Variants in ANKUB1 observed in about 807,000 individuals in gnomAD.
ANKUB1 encodes ankyrin repeat and ubiquitin domain containing 1.
ANKUB1 carries 42 observed loss-of-function variants against 49.3 expected under a neutral mutation model. That is an observed-to-expected ratio of 0.85 (90% CI 0.67 to 1.10). The LOEUF is 1.10. Among genes scored for constraint, ANKUB1 ranks in the 50% least tolerant of loss-of-function variants. ANKUB1 has a pLI of 0.00. For missense variants in ANKUB1, 613 were observed against 642.0 expected, an observed-to-expected ratio of 0.95 and a Z score of 0.49; for synonymous variants, 222 against 231.0, an observed-to-expected ratio of 0.96 and a Z score of 0.35.
intron 3 of ANKUB1, among the ~76,000 whole-genome samples, chr3:149,773,585 G>T (rs981506607): frequency 1.3e-5 from 2 of 152,202 alleles, no homozygotes; most frequent in Non-Finnish European, 2.9e-5. Context: ...TTTCTCTAAA[G>T]CTTCATGCTG....
At chr3:149,776,636 G>A (rs922932120) in intron 3 of ANKUB1, among the ~76,000 whole-genome samples, 1 of 152,266 alleles carries the variant, frequency 6.6e-6, no homozygotes, top group South Asian at 2.1e-4. Flanking sequence ...CACTGTCCTA[G>A]TGTGAGAGCT....
intron 2 of ANKUB1, 79 bp from the exon 3 acceptor site, chr3:149,780,534 C>A: frequency 1.9e-6 from 2 of 1,052,472 alleles, no homozygotes; most frequent in Non-Finnish European, 2.9e-6. Flanking sequence ...TAGCTTTGAG[C>A]ACCTCTAGCT....
At position 149,770,661 on chromosome 3, in the gene ANKUB1, G is replaced by A. The variant is rs1345626715; in HGVS notation, c.465C>T (p.Arg155=). The change falls in exon 4 of 6, where the codon CGC becomes CGT. Residue 155 remains arginine (R), a synonymous_variant. Coordinates refer to ENST00000446160, the MANE Select transcript of ANKUB1 (RefSeq NM_001144960.3). ...CCTTCCATCCATCCCAGACATCCAA[G>A]CGAAGTGTTGTGCCTGTGGATCAAG... The part of the protein sequence containing the change: ...DYQTDIGTTL[R]LDVWDGWKEF... 6.5e-7 allele frequency: 1 copy of A among 1,547,392 alleles called. No individual in the cohort carries two copies. The highest frequency in any genetic ancestry group is 8.7e-7 in the Non-Finnish European group (1 of 1,144,656).
chr3:149,789,636 T>TTG (rs1553744470), intron 2 of ANKUB1, among the ~76,000 whole-genome samples: 2 of 151,208 alleles, frequency 1.3e-5, no homozygotes, highest in African/African-American at 4.9e-5. Context: ...TATTCTTTTT[T>TTG]TTTTTTTTTC....
At chr3:149,778,612 C>T (rs1388880146) in intron 3 of ANKUB1, 1 of 152,084 alleles carries the variant, frequency 6.6e-6, no homozygotes, top group East Asian at 1.9e-4. Flanking sequence ...TGTGAGCCCC[C>T]ATCATGTTCT....
intron 2 of ANKUB1, among the ~76,000 whole-genome samples, chr3:149,787,676 T>C (rs2108281325): frequency 6.6e-6 from 1 of 152,342 alleles, no homozygotes; most frequent in Non-Finnish European, 1.5e-5. Context: ...TTCCATTTCT[T>C]TTCCAAATGT....
intron 4 of ANKUB1, 58 bp from the exon 5 acceptor site, chr3:149,768,153 G>A (rs1717151348): frequency 2.7e-6 from 3 of 1,118,254 alleles, no homozygotes; most frequent in Admixed American, 3.4e-5. Context: ...ACAGACAAAT[G>A]TAGTTACACT....
At chr3:149,784,336 C>T (rs546922178) in intron 2 of ANKUB1, among the ~76,000 whole-genome samples, 2 of 152,158 alleles carry the variant, frequency 1.3e-5, no homozygotes, top group African/African-American at 2.4e-5. Flanking sequence ...ATAGTTGCCC[C>T]CTTTGCAGTA....
intron 4 of ANKUB1, 22 bp from the exon 5 acceptor site, chr3:149,768,117 G>A (rs1306213747): frequency 2.2e-6 from 3 of 1,333,474 alleles, no homozygotes; most frequent in African/African-American, 2.9e-5. Flanking sequence ...AAACAAGTGG[G>A]GAGGGGGTGT....
At chr3:149,772,527 T>C (rs1717412363) in intron 3 of ANKUB1, among the ~76,000 whole-genome samples, 2 of 152,240 alleles carry the variant, frequency 1.3e-5, no homozygotes. Context: ...CAATGTTGTC[T>C]TCTTTTCTGA....
chr3:149,772,279 C>T (rs1717401045), intron 3 of ANKUB1, among the ~76,000 whole-genome samples: 1 of 152,170 alleles, frequency 6.6e-6, no homozygotes, highest in African/African-American at 2.4e-5. Flanking sequence ...CCTTGGCCTC[C>T]CACAGTGCTG....
In ANKUB1 at chr3:149,767,805, T is replaced by C; in HGVS notation, c.857A>G (p.His286Arg). ...TPLTIVFKHK[H>R]KDCVLYLLSK... ...GAGCAAATATAATACACAGTCTTTATGCTTGTGTTTGAACACAATGGTCAG... is the reference window on the plus strand; with the variant it reads ...GAGCAAATATAATACACAGTCTTTACGCTTGTGTTTGAACACAATGGTCAG... The change falls in exon 5 of 6, where the codon CAT becomes CGT. Residue 286 changes from histidine to arginine, a missense_variant. His to Arg is a conservative substitution (Grantham distance 29, BLOSUM62 0). Transcript: ENST00000446160. 2 of 1,551,776 alleles carry C rather than the reference T, an allele frequency of 1.3e-6. No homozygotes were observed.
Position 149,780,289 on chromosome 3 carries a change from C to T in ANKUB1, c.401G>A (p.Gly134Asp). 2 of 1,551,680 alleles carry T rather than the reference C, an allele frequency of 1.3e-6. No individual in the cohort carries two copies. The highest frequency in any genetic ancestry group is 1.7e-6 in the Non-Finnish European group (2 of 1,146,990). ...VSVYCLRTPR[G>D]LEMYDCNTLK... ...GGTGTTGCAATCATACATCTCCAGG[C>T]CCCTTGGGGTTCGGAGACAGTAGAC... The change falls in exon 3 of 6, where the codon GGC becomes GAC. Residue 134 changes from glycine to aspartate, a missense_variant. By Grantham distance (94) the Gly-to-Asp change is moderately conservative. Transcript: ENST00000446160.
chr3:149,791,766 T>G (rs1718369553), intron 1 of ANKUB1, among the ~76,000 whole-genome samples: 1 of 152,244 alleles, frequency 6.6e-6, no homozygotes, highest in Admixed American at 6.5e-5. Flanking sequence ...ATTCTGGCTC[T>G]GTGATCCTAG....
intron 5 of ANKUB1, 122 bp from the exon 6 acceptor site, chr3:149,761,735 T>C: frequency 9.6e-7 from 1 of 1,046,420 alleles, no homozygotes; most frequent in South Asian, 1.9e-5. Context: ...GTCACATAGG[T>C]AGATGTGAAA....
At chr3:149,774,240 C>T (rs1048548736) in intron 3 of ANKUB1, among the ~76,000 whole-genome samples, 6 of 152,168 alleles carry the variant, frequency 3.9e-5, no homozygotes, top group African/African-American at 1.4e-4. Flanking sequence ...GTCAGAGCCT[C>T]GATGTCAACA....
chr3:149,784,322 C>A (rs1717996396), intron 2 of ANKUB1, among the ~76,000 whole-genome samples: 1 of 152,194 alleles, frequency 6.6e-6, no homozygotes, highest in South Asian at 2.1e-4. Flanking sequence ...GCACAACCTG[C>A]TGGATAGTTG....
chr3:149,768,148 C>G, intron 4 of ANKUB1, 53 bp from the exon 5 acceptor site: 1 of 1,181,918 alleles, frequency 8.5e-7, no homozygotes, highest in Non-Finnish European at 1.1e-6. Context: ...AGCAAACAGA[C>G]AAATGTAGTT....
chr3:149,789,059 C>CCAT (rs1003952071), intron 2 of ANKUB1, among the ~76,000 whole-genome samples: 3 of 144,610 alleles, frequency 2.1e-5, no homozygotes, highest in Non-Finnish European at 3.1e-5. Context: ...CAGGTGTGAG[C>CCAT]CACCACACCT....
Sources: allele counts gnomAD v4.1 joint callset (sites outside exome capture counted in the v4.1 genomes callset), GRCh38; gene constraint gnomAD v4.1.1; transcripts MANE v1.5; gene names NCBI Gene and HGNC (gene_info 2026-07-23, HGNC 2026-07-21).